RBFOX1: variants seen among roughly 807,000 people sequenced by gnomAD.
The protein encoded by RBFOX1 is RNA binding protein fox-1 homolog 1.
A neutral mutation model predicts 57.7 loss-of-function variants in RBFOX1; 8 were observed. That is an observed-to-expected ratio of 0.14 (90% CI 0.08 to 0.25). The LOEUF (loss-of-function observed/expected upper bound fraction) is 0.25, where lower values mean the gene tolerates loss of function less well. Ranked by LOEUF, RBFOX1 falls within the 10% of genes least tolerant of loss-of-function variation. The pLI is 1.00. For synonymous variants in RBFOX1, 326 were observed against 222.4 expected, an observed-to-expected ratio of 1.47 and a Z score of -4.15; for missense variants, 611 against 548.5, an observed-to-expected ratio of 1.11 and a Z score of -1.14.
chr16:7,608,340 G>C (rs187011333), intron 10 of RBFOX1, among the ~76,000 whole-genome samples: 2 of 152,326 alleles, frequency 1.3e-5, no homozygotes, highest in African/African-American at 4.8e-5. Flanking sequence ...ACAACAACCA[G>C]TCTGACAAAA....
At chr16:6,485,842 T>A (rs2095468812) in intron 2 of RBFOX1, among the ~76,000 whole-genome samples, 2 of 152,300 alleles carry the variant, frequency 1.3e-5, no homozygotes, top group African/African-American at 2.4e-5. Context: ...TCCTATCACT[T>A]GTCTTAATTT....
At chr16:7,706,948 C>G (rs1002957381) in intron 14 of RBFOX1, among the ~76,000 whole-genome samples, 2 of 152,106 alleles carry the variant, frequency 1.3e-5, no homozygotes, top group African/African-American at 4.8e-5. Context: ...TGGACCGATA[C>G]CTGTTTTTCC....
intron 4 of RBFOX1, among the ~76,000 whole-genome samples, chr16:7,326,098 C>A (rs777910925): frequency 6.6e-6 from 1 of 152,194 alleles, no homozygotes; most frequent in Non-Finnish European, 1.5e-5. Flanking sequence ...GGACTCCCTG[C>A]GCCTCTGTCT....
intron 1 of RBFOX1, among the ~76,000 whole-genome samples, chr16:5,455,721 C>G (rs1358662607): frequency 1.3e-5 from 2 of 152,158 alleles, no homozygotes; most frequent in Non-Finnish European, 2.9e-5. Flanking sequence ...CACTTTCATT[C>G]TCTTTGCCCA....
chr16:6,131,480 TA>T (rs2096629267), intron 1 of RBFOX1, among the ~76,000 whole-genome samples: 1 of 152,196 alleles, frequency 6.6e-6, no homozygotes, highest in South Asian at 2.1e-4. Flanking sequence ...GTCACTTATT[TA>T]AATGCAGCTT....
intron 4 of RBFOX1, among the ~76,000 whole-genome samples, chr16:7,405,261 G>A (rs993320766): frequency 1.3e-5 from 2 of 152,204 alleles, no homozygotes; most frequent in Non-Finnish European, 2.9e-5. Flanking sequence ...ACGGCGCAGC[G>A]CTGATGCCAG....
chr16:6,195,419 G>T (rs926677196), intron 1 of RBFOX1, among the ~76,000 whole-genome samples: 2 of 152,156 alleles, frequency 1.3e-5, no homozygotes, highest in African/African-American at 4.8e-5. Flanking sequence ...GTAGATGCTC[G>T]TTAGGTTTGT....
chr16:6,183,256 A>G (rs1035974101), intron 1 of RBFOX1, among the ~76,000 whole-genome samples: 2 of 151,976 alleles, frequency 1.3e-5, no homozygotes. Flanking sequence ...CAAGGCGGGC[A>G]GATCAGGAGG....
intron 3 of RBFOX1, among the ~76,000 whole-genome samples, chr16:5,609,200 C>G (rs1424934986): frequency 6.6e-6 from 1 of 152,184 alleles, no homozygotes; most frequent in Admixed American, 6.5e-5. Context: ...CTGGGGCCTT[C>G]TTCCAAACTC....
intron 4 of RBFOX1, among the ~76,000 whole-genome samples, chr16:7,312,703 G>C (rs1045369094): frequency 2.0e-5 from 3 of 152,108 alleles, no homozygotes; most frequent in Non-Finnish European, 2.9e-5. Flanking sequence ...AAATTGTCTT[G>C]CTCTTGTCAG....
chr16:5,379,883 T>C (rs754815604), intron 1 of RBFOX1, among the ~76,000 whole-genome samples: 3 of 152,164 alleles, frequency 2.0e-5, no homozygotes, highest in Non-Finnish European at 2.9e-5. Flanking sequence ...TTTTAGGTCC[T>C]TTTTGGCCAG....
chr16:5,711,330 A>G (rs546532000), intron 3 of RBFOX1, among the ~76,000 whole-genome samples: 35 of 152,342 alleles, frequency 2.3e-4, no homozygotes, highest in Admixed American at 7.8e-4. Flanking sequence ...TAAGTGGCCC[A>G]AGGTCACACA....
At chr16:6,516,442 A>T (rs186775944) in intron 2 of RBFOX1, among the ~76,000 whole-genome samples, 1 of 152,322 alleles carries the variant, frequency 6.6e-6, no homozygotes, top group African/African-American at 2.4e-5. Context: ...AGTATTCAAC[A>T]GTAGCACTCA....
chr16:6,125,478 G>C (rs1392732090), intron 1 of RBFOX1, among the ~76,000 whole-genome samples: 2 of 152,160 alleles, frequency 1.3e-5, no homozygotes, highest in Non-Finnish European at 2.9e-5. Context: ...ATACACATTT[G>C]CTCTTTGATG....
At chr16:5,722,540 AC>A (rs2051974502) in intron 3 of RBFOX1, among the ~76,000 whole-genome samples, 1 of 152,104 alleles carries the variant, frequency 6.6e-6, no homozygotes, top group Admixed American at 6.5e-5. Flanking sequence ...ATTCAAAGAC[AC>A]CTGAGACCTG....
chr16:5,452,116 CTTTTTTTT>C (rs148215801), intron 1 of RBFOX1, among the ~76,000 whole-genome samples: 1 of 108,118 alleles, frequency 9.2e-6, no homozygotes, highest in East Asian at 2.6e-4. Flanking sequence ...CTCTCTCTCT[CTTTTTTTT>C]TTTTTTTTTT....
chr16:5,848,337 G>C (rs879683181), intron 3 of RBFOX1, among the ~76,000 whole-genome samples: 1 of 152,146 alleles, frequency 6.6e-6, no homozygotes, highest in African/African-American at 2.4e-5. Flanking sequence ...CCGATGTCTT[G>C]TTTTCTGGCT....
At chr16:7,030,062 G>A (rs901625886) in intron 3 of RBFOX1, among the ~76,000 whole-genome samples, 6 of 150,490 alleles carry the variant, frequency 4.0e-5, no homozygotes, top group African/African-American at 1.5e-4. Flanking sequence ...AGAAAAGTAT[G>A]TGGGAAAGTA....
intron 4 of RBFOX1, among the ~76,000 whole-genome samples, chr16:7,472,793 T>G (rs2061809298): frequency 6.6e-6 from 1 of 152,192 alleles, no homozygotes; most frequent in Admixed American, 6.5e-5. Flanking sequence ...AGTATACTTG[T>G]TTGGCAGAGT....
Sources: gnomAD v4.1 joint callset for allele counts (sites outside exome capture counted in the v4.1 genomes callset) on GRCh38, gnomAD v4.1.1 for gene constraint, MANE v1.5 for transcripts, NCBI Gene and HGNC (gene_info 2026-07-23, HGNC 2026-07-21) for gene names.